ANK3: variants seen among roughly 807,000 people sequenced by gnomAD.
ANK3 encodes the protein ankyrin 3.
A neutral mutation model predicts 370.9 loss-of-function variants in ANK3; 57 were observed. The ratio of observed to expected loss-of-function variants is 0.15; its 90% CI spans 0.12 to 0.19. The LOEUF (loss-of-function observed/expected upper bound fraction) is 0.19, where lower values mean the gene tolerates loss of function less well. ANK3 is among the 10% of genes least tolerant of loss of function. The pLI is 1.00. For synonymous variants in ANK3, 1,929 were observed against 1,946.3 expected (o/e 0.99, Z 0.23); for missense variants, 4,439 against 5,302.1 (o/e 0.84, Z 5.06).
intron 1 of ANK3, among the ~76,000 whole-genome samples, chr10:60,306,906 A>C (rs1394022747): frequency 6.6e-6 from 1 of 152,074 alleles, no homozygotes; most frequent in East Asian, 1.9e-4. Context: ...CTAATTTTTG[A>C]AATTTTTTGT....
At chr10:60,298,882 C>T (rs1454351337) in intron 1 of ANK3, among the ~76,000 whole-genome samples, 1 of 152,148 alleles carries the variant, frequency 6.6e-6, no homozygotes, top group East Asian at 1.9e-4. Context: ...TCAAAGCTGT[C>T]TAACTATGTA....
At position 60,171,423 on chromosome 10, in the gene ANK3, A is replaced by T. The variant is rs115581110; in HGVS notation, c.2478+885T>A. 4.9e-3 allele frequency among the ~76,000 whole-genome samples: 746 copies of T among 152,290 alleles called. 7 individuals are homozygous for T. Among genetic ancestry groups the T allele is most frequent in the African/African-American group, 0.018 (729 of 41,566 alleles). On this transcript the variant is annotated intron_variant, in intron 21 of 43. Transcript: ENST00000280772. The stretch of plus-strand genomic sequence containing the variant: ...TTTTCACAAAAAGCAGTGGGTATAC[A>T]AACTAATTTGCAGATGCTAACCATT...
chr10:60,226,262 T>C (rs2097138833), intron 8 of ANK3, among the ~76,000 whole-genome samples: 1 of 105,702 alleles, frequency 9.5e-6, no homozygotes, highest in Non-Finnish European at 1.8e-5. Flanking sequence ...GTATATGTAA[T>C]ACTATATATA....
chr10:60,619,594 T>C (rs1443567844), intron 1 of ANK3, among the ~76,000 whole-genome samples: 1 of 152,176 alleles, frequency 6.6e-6, no homozygotes, highest in Non-Finnish European at 1.5e-5. Context: ...GAAAGCACAA[T>C]CATGTGCCTA....
At chr10:60,259,045 T>C (rs2097771461) in intron 7 of ANK3, among the ~76,000 whole-genome samples, 1 of 152,234 alleles carries the variant, frequency 6.6e-6, no homozygotes, top group Non-Finnish European at 1.5e-5. Context: ...CAGGGGCCTC[T>C]TACTTTCACC....
chr10:60,655,520 G>T (rs573917189), intron 1 of ANK3, among the ~76,000 whole-genome samples: 2 of 151,950 alleles, frequency 1.3e-5, no homozygotes. Context: ...AATATTTTTG[G>T]ACATTTGTAC....
chr10:60,635,429 T>C lies in ANK3; in HGVS notation c.58-20205A>G, dbSNP rs903199867. On this transcript the variant is annotated intron_variant, in intron 1 of 43. Transcript: ENST00000373827. ...CCTAAAAAAAATCTATAAAATTAGA[T>C]TGAATAGATAGAAGTACAACAACCA... Among the ~76,000 whole-genome samples the C allele has an allele frequency of 2.0e-5, 3 of 152,242 alleles. No homozygotes were observed. In the South Asian group the frequency reaches 6.2e-4, roughly 32 times the overall value.
In ANK3 at chr10:60,572,401, A is replaced by G. The variant is rs868279200; in HGVS notation, c.96+42785T>C. The G allele has an allele frequency of 2.0e-6, 3 of 1,471,056 alleles. No individual in the cohort carries two copies. In the Middle Eastern group the frequency reaches 5.2e-4, roughly 257 times the overall value. 91.1% of individuals were successfully genotyped at this position (1,471,056 alleles called of 1,614,324 possible). A position where few individuals can be genotyped will look rare whatever the true frequency, so the allele number is the denominator to read the frequency against. On this transcript the variant is annotated intron_variant, in intron 2 of 43. Coordinates refer to the ANK3 transcript ENST00000373827. ...GCCAATCTCTTAAAAATTCAGCCTA[A>G]AGATCACTTCCTCCCCAGAGCCAGA...
At chr10:60,290,928 T>A (rs1440493679) in intron 1 of ANK3, among the ~76,000 whole-genome samples, 1 of 152,204 alleles carries the variant, frequency 6.6e-6, no homozygotes, top group African/African-American at 2.4e-5. Flanking sequence ...CCTTGCCATA[T>A]GCTGATAAAA....
At chr10:60,167,786 T>A (rs2095662859) in intron 21 of ANK3, among the ~76,000 whole-genome samples, 1 of 152,104 alleles carries the variant, frequency 6.6e-6, no homozygotes, top group Non-Finnish European at 1.5e-5. Context: ...AAGGTACAAA[T>A]TCATAGTTTC....
At chr10:60,475,849 A>G (rs532586182) in intron 2 of ANK3, among the ~76,000 whole-genome samples, 1 of 152,262 alleles carries the variant, frequency 6.6e-6, no homozygotes, top group South Asian at 2.1e-4. Context: ...TCTGGTTCTG[A>G]AGCAGCCAAG....
chr10:60,409,250 C>T (rs1415907824), intron 2 of ANK3, among the ~76,000 whole-genome samples: 2 of 152,158 alleles, frequency 1.3e-5, no homozygotes, highest in East Asian at 3.9e-4. Context: ...AAACTTGCTA[C>T]CCAAACCAAA....
At chr10:60,600,199 T>A (rs902452630) in intron 2 of ANK3, among the ~76,000 whole-genome samples, 47 of 152,182 alleles carry the variant, frequency 3.1e-4, no homozygotes, top group African/African-American at 1.1e-3. Flanking sequence ...AATTTAGGAT[T>A]CTGTACTCAT....
At chr10:60,451,159 G>A (rs1455348615) in intron 2 of ANK3, among the ~76,000 whole-genome samples, 4 of 152,126 alleles carry the variant, frequency 2.6e-5, no homozygotes, top group African/African-American at 4.8e-5. Flanking sequence ...CCCCAGCCAC[G>A]CCGGAAGCTA....
At chr10:60,318,570 A>G (rs1448258222) in intron 1 of ANK3, among the ~76,000 whole-genome samples, 1 of 152,152 alleles carries the variant, frequency 6.6e-6, no homozygotes, top group Non-Finnish European at 1.5e-5. Context: ...GGTAGCCTCA[A>G]TGTCACAGGA....
At chr10:60,580,669 A>G (rs571602931) in intron 2 of ANK3, among the ~76,000 whole-genome samples, 34 of 152,282 alleles carry the variant, frequency 2.2e-4, no homozygotes, top group African/African-American at 7.5e-4. Flanking sequence ...CTCTTGTAAC[A>G]TAGTGTATAA....
At chr10:60,688,055 G>A (rs994532093) in intron 1 of ANK3, among the ~76,000 whole-genome samples, 1 of 152,058 alleles carries the variant, frequency 6.6e-6, no homozygotes, top group Non-Finnish European at 1.5e-5. Context: ...CTAGGGGTTG[G>A]GAGGAGAGGA....
At chr10:60,448,706 T>G (rs1433932493) in intron 2 of ANK3, among the ~76,000 whole-genome samples, 3 of 152,232 alleles carry the variant, frequency 2.0e-5, no homozygotes, top group African/African-American at 7.2e-5. Flanking sequence ...ACAGCAGGAT[T>G]CTAGCATGGC....
intron 1 of ANK3, among the ~76,000 whole-genome samples, chr10:60,709,427 C>T (rs899540973): frequency 3.9e-5 from 6 of 152,086 alleles, no homozygotes; most frequent in African/African-American, 1.4e-4. Flanking sequence ...TTTGATTCCC[C>T]AAAACTTAGT....
Sources: allele counts gnomAD v4.1 joint callset (sites outside exome capture counted in the v4.1 genomes callset), GRCh38; gene constraint gnomAD v4.1.1; transcripts MANE v1.5; gene names NCBI Gene and HGNC (gene_info 2026-07-23, HGNC 2026-07-21).